The following LRRTM4 variants were observed in gnomAD, a reference collection of about 807,000 sequenced individuals.
LRRTM4 encodes leucine rich repeat transmembrane neuronal 4.
Under a neutral mutation model 47.6 loss-of-function variants are expected in LRRTM4, and 25 were observed. The ratio of observed to expected loss-of-function variants is 0.53; its 90% CI spans 0.38 to 0.73. The LOEUF is 0.73. LRRTM4 is among the 30% of genes least tolerant of loss of function. The pLI is 0.00. For missense variants in LRRTM4, 638 were observed against 713.4 expected (o/e 0.89, Z 1.20); for synonymous variants, 311 against 269.5 (o/e 1.15, Z -1.51).
At chr2:76,885,574 C>T (rs1165097847) in intron 3 of LRRTM4, among the ~76,000 whole-genome samples, 3 of 151,820 alleles carry the variant, frequency 2.0e-5, no homozygotes, top group South Asian at 2.1e-4. Context: ...GCCATTCTCC[C>T]GCCTCAGCCT....
chr2:76,857,231 A>G (rs1318347622), intron 3 of LRRTM4, among the ~76,000 whole-genome samples: 2 of 150,564 alleles, frequency 1.3e-5, no homozygotes, highest in African/African-American at 4.9e-5. Context: ...GATAATAAAG[A>G]TATTTTCTCT....
intron 3 of LRRTM4, among the ~76,000 whole-genome samples, chr2:77,166,574 A>G (rs1672892698): frequency 6.6e-6 from 1 of 152,230 alleles, no homozygotes; most frequent in African/African-American, 2.4e-5. Context: ...GGCTACAGTA[A>G]CCAAAACAGC....
At chr2:76,908,990 C>A (rs928349106) in intron 3 of LRRTM4, among the ~76,000 whole-genome samples, 2 of 152,186 alleles carry the variant, frequency 1.3e-5, no homozygotes, top group African/African-American at 2.4e-5. Context: ...TTGGAAAAAA[C>A]TACTTTAAAG....
intron 3 of LRRTM4, among the ~76,000 whole-genome samples, chr2:77,207,663 A>G (rs1034468876): frequency 1.3e-5 from 2 of 151,708 alleles, no homozygotes; most frequent in Admixed American, 6.6e-5. Flanking sequence ...ACAATCACTG[A>G]CAATTCTGGA....
chr2:76,833,122 G>C (rs778079176), intron 3 of LRRTM4, among the ~76,000 whole-genome samples: 9 of 152,104 alleles, frequency 5.9e-5, no homozygotes, highest in Non-Finnish European at 1.0e-4. Context: ...ACTTGGGTGA[G>C]TGATTATGGT....
intron 3 of LRRTM4, among the ~76,000 whole-genome samples, chr2:77,228,015 CA>C (rs1476631226): frequency 6.6e-6 from 1 of 151,614 alleles, no homozygotes; most frequent in Non-Finnish European, 1.5e-5. Context: ...AAATAAAATA[CA>C]AAGGGAATGA....
chr2:77,251,481 C>A (rs1198703011), intron 3 of LRRTM4, among the ~76,000 whole-genome samples: 1 of 151,634 alleles, frequency 6.6e-6, no homozygotes, highest in Non-Finnish European at 1.5e-5. Context: ...TTGAATTCAC[C>A]CCAGGGAGAA....
chr2:77,084,488 T>C (rs1680643236), intron 3 of LRRTM4, among the ~76,000 whole-genome samples: 1 of 152,230 alleles, frequency 6.6e-6, no homozygotes, highest in South Asian at 2.1e-4. Flanking sequence ...CAGACATAAC[T>C]ACGTATCGTA....
At chr2:76,958,929 A>G (rs1231092193) in intron 3 of LRRTM4, among the ~76,000 whole-genome samples, 1 of 151,512 alleles carries the variant, frequency 6.6e-6, no homozygotes, top group African/African-American at 2.4e-5. Context: ...TACTTGGAAA[A>G]CGCTTGTGTA....
chr2:77,303,262 A>AAAAT (rs1558678206), intron 3 of LRRTM4, among the ~76,000 whole-genome samples: 1 of 149,080 alleles, frequency 6.7e-6, no homozygotes, highest in African/African-American at 2.6e-5. Flanking sequence ...ACTCCATCTC[A>AAAAT]AAACAAACAA....
chr2:77,238,297 T>C (rs1409326320), intron 3 of LRRTM4, among the ~76,000 whole-genome samples: 1 of 152,052 alleles, frequency 6.6e-6, no homozygotes, highest in Non-Finnish European at 1.5e-5. Flanking sequence ...AGTACAAAAT[T>C]TTTAAAAGGG....
intron 3 of LRRTM4, among the ~76,000 whole-genome samples, chr2:77,108,578 C>CTTTT (rs200805423): frequency 3.4e-4 from 49 of 142,904 alleles, no homozygotes; most frequent in African/African-American, 9.6e-4. Flanking sequence ...CACAAACATT[C>CTTTT]TTTTTTTTTT....
intron 3 of LRRTM4, among the ~76,000 whole-genome samples, chr2:76,847,583 C>T (rs1671873345): frequency 6.6e-6 from 1 of 151,884 alleles, no homozygotes; most frequent in South Asian, 2.1e-4. Flanking sequence ...TTTTTCTTAT[C>T]TTTTGAATTA....
intron 3 of LRRTM4, among the ~76,000 whole-genome samples, chr2:77,152,999 TA>T (rs566708311): frequency 2.0e-5 from 3 of 152,286 alleles, no homozygotes; most frequent in South Asian, 4.1e-4. Context: ...TAATTAACTA[TA>T]TTCACCATGC....
intron 3 of LRRTM4, among the ~76,000 whole-genome samples, chr2:77,223,775 C>T (rs1674717730): frequency 6.6e-6 from 1 of 152,102 alleles, no homozygotes; most frequent in African/African-American, 2.4e-5. Context: ...GTGAAAATGG[C>T]CATACTGCCC....
At chr2:77,225,877 A>C (rs922697461) in intron 3 of LRRTM4, among the ~76,000 whole-genome samples, 2 of 151,974 alleles carry the variant, frequency 1.3e-5, no homozygotes, top group Non-Finnish European at 2.9e-5. Context: ...AATTATATAT[A>C]TTGTTATTTT....
intron 3 of LRRTM4, among the ~76,000 whole-genome samples, chr2:77,238,107 T>C (rs1675156041): frequency 1.3e-5 from 2 of 152,108 alleles, no homozygotes; most frequent in South Asian, 4.1e-4. Flanking sequence ...TGGCATTATA[T>C]GAGGTTTTTT....
intron 3 of LRRTM4, among the ~76,000 whole-genome samples, chr2:76,763,585 G>A (rs1673341822): frequency 6.6e-6 from 1 of 152,208 alleles, no homozygotes; most frequent in African/African-American, 2.4e-5. Context: ...AGCCTATGCA[G>A]ATGAGTTAGG....
intron 3 of LRRTM4, among the ~76,000 whole-genome samples, chr2:77,057,784 T>C (rs981254602): frequency 6.6e-6 from 1 of 152,242 alleles, no homozygotes; most frequent in Non-Finnish European, 1.5e-5. Flanking sequence ...AATACATACA[T>C]ACCTACAAAC....
Sources: gnomAD v4.1 joint callset for allele counts (sites outside exome capture counted in the v4.1 genomes callset) on GRCh38, gnomAD v4.1.1 for gene constraint, MANE v1.5 for transcripts, NCBI Gene and HGNC (gene_info 2026-07-23, HGNC 2026-07-21) for gene names.